Variants in SQOR observed in about 807,000 individuals in gnomAD.
The protein encoded by SQOR is sulfide:quinone oxidoreductase, mitochondrial.
In SQOR, 39 loss-of-function variants were observed where a neutral mutation model predicts 48.6. The ratio of observed to expected loss-of-function variants is 0.80; its 90% CI spans 0.62 to 1.05. The LOEUF is 1.05. Ranked by LOEUF, SQOR falls within the 50% of genes least tolerant of loss-of-function variation. SQOR has a pLI of 0.00. For missense variants in SQOR, 561 were observed against 559.9 expected (o/e 1.00, Z -0.02); for synonymous variants, 220 against 206.2 (o/e 1.07, Z -0.57).
At chr15:45,664,911 G>A (rs1455824533) in intron 3 of SQOR, among the ~76,000 whole-genome samples, 1 of 151,626 alleles carries the variant, frequency 6.6e-6, no homozygotes, top group Non-Finnish European at 1.5e-5. Context: ...AATGTCTCCG[G>A]GAGACCAGAC....
intron 1 of SQOR, among the ~76,000 whole-genome samples, chr15:45,656,323 C>T (rs1889610246): frequency 6.6e-6 from 1 of 152,130 alleles, no homozygotes; most frequent in Non-Finnish European, 1.5e-5. Flanking sequence ...TATTTTGAGA[C>T]AGGGTCTCCC....
intron 3 of SQOR, among the ~76,000 whole-genome samples, chr15:45,668,789 C>A (rs1231468409): frequency 6.6e-6 from 1 of 152,212 alleles, no homozygotes; most frequent in Admixed American, 6.5e-5. Context: ...AGTCTCACTG[C>A]AATCATTTCC....
Position 45,655,212 on chromosome 15 carries a change from G to A in SQOR, c.-17-3695G>A, listed in dbSNP as rs117401072. Among the ~76,000 whole-genome samples the A allele has an allele frequency of 3.5e-4, 53 of 152,342 alleles. No homozygotes were observed. In the East Asian group the frequency reaches 0.01, roughly 29 times the overall value. ...CCAAATAACCTCAGACAGGGTGGCTGGAAACCAGAAACTTAGCCAGGCCTC... is the reference window on the plus strand; with the variant it reads ...CCAAATAACCTCAGACAGGGTGGCTAGAAACCAGAAACTTAGCCAGGCCTC... On this transcript the variant is annotated intron_variant, in intron 1 of 9. Transcript: ENST00000260324.
At chr15:45,684,466 T>G (rs1321058714) in intron 7 of SQOR, among the ~76,000 whole-genome samples, 1 of 152,196 alleles carries the variant, frequency 6.6e-6, no homozygotes, top group Non-Finnish European at 1.5e-5. Flanking sequence ...AGATTCAGGT[T>G]ATATGTTTTG....
chr15:45,653,948 C>A (rs1430682406), intron 1 of SQOR, among the ~76,000 whole-genome samples: 1 of 151,924 alleles, frequency 6.6e-6, no homozygotes. Flanking sequence ...ATGGTGAAAC[C>A]CTGTGTCAAC....
At chr15:45,679,631 C>T (rs999234911) in intron 6 of SQOR, among the ~76,000 whole-genome samples, 3 of 152,152 alleles carry the variant, frequency 2.0e-5, no homozygotes, top group East Asian at 1.9e-4. Context: ...ACCTGGGAGG[C>T]GGAGGAACTA....
chr15:45,659,234 G>A (rs1339754960), intron 2 of SQOR, 77 bp downstream of exon 2: 1 of 1,253,406 alleles, frequency 8.0e-7, no homozygotes, highest in African/African-American at 1.5e-5. Context: ...GTGTGTTCTG[G>A]GGTTGGATAT....
At chr15:45,650,191 G>A (rs777447285) in intron 1 of SQOR, among the ~76,000 whole-genome samples, 1 of 152,170 alleles carries the variant, frequency 6.6e-6, no homozygotes, top group African/African-American at 2.4e-5. Flanking sequence ...CCAGGCTAGA[G>A]TGCAATGGCA....
intron 5 of SQOR, among the ~76,000 whole-genome samples, chr15:45,675,261 G>A (rs964146027): frequency 2.6e-5 from 4 of 152,144 alleles, no homozygotes; most frequent in Admixed American, 6.5e-5. Flanking sequence ...AGGAAGGTTC[G>A]AGTACCATAA....
rs770964581 is a variant in SQOR at position 45,689,050 on chromosome 15, C to T, written c.1128C>T (p.Tyr376=). Residue 376 remains tyrosine (Y), a synonymous_variant, in exon 9 of 10, where the codon TAC becomes TAT. Coordinates refer to ENST00000260324, the MANE Select transcript of SQOR (RefSeq NM_021199.4). ...NQTPTKKYDG[Y]TSCPLVTGYN... is the part of the protein sequence containing the mutation. ...ATTTACAATTTTAGTATGATGGCTA[C>T]ACATCATGTCCACTGGTGACCGGCT... is the stretch of plus-strand genomic sequence containing the variant. 1.9e-6 allele frequency: 3 copies of T among 1,613,736 alleles called. No homozygotes were observed. The highest frequency in any genetic ancestry group is 2.2e-5 in the South Asian group (2 of 91,030).
Position 45,682,562 on chromosome 15 carries a change from G to A in SQOR, c.949G>A (p.Asp317Asn). The A allele has an allele frequency of 6.2e-7, 1 of 1,614,212 alleles. No individual in the cohort carries two copies. The stretch of plus-strand genomic sequence containing the variant: ...TGTGGCTGATGCTGCTGGTTGGGTG[G>A]ATGTGGATAAAGAAACTCTGCAACA... ...SPVADAAGWVDVDKETLQHRR... is the reference protein window; with the variant it reads ...SPVADAAGWVNVDKETLQHRR... The change falls in exon 7 of 10, where the codon GAT becomes AAT. Residue 317 changes from aspartate (D) to asparagine (N), a missense_variant. Transcript: ENST00000260324.
intron 1 of SQOR, among the ~76,000 whole-genome samples, chr15:45,657,746 G>T (rs1006294095): frequency 1.3e-5 from 2 of 152,188 alleles, no homozygotes; most frequent in South Asian, 2.1e-4. Flanking sequence ...TTCTCCAGTC[G>T]GGAGGATGGA....
At chr15:45,656,845 C>T (rs1478811893) in intron 1 of SQOR, among the ~76,000 whole-genome samples, 1 of 148,086 alleles carries the variant, frequency 6.8e-6, no homozygotes, top group Non-Finnish European at 1.5e-5. Context: ...CACTCTGTCA[C>T]CCAGGTTGGA....
intron 3 of SQOR, 40 bp from the exon 4 acceptor site, chr15:45,669,888 C>T (rs760642243): frequency 6.3e-6 from 10 of 1,588,138 alleles, no homozygotes; most frequent in Non-Finnish European, 6.9e-6. Flanking sequence ...GTTGATGCTT[C>T]TTGAGTCCTG....
intron 7 of SQOR, among the ~76,000 whole-genome samples, chr15:45,685,649 C>T (rs985060720): frequency 2.6e-5 from 4 of 152,208 alleles, no homozygotes; most frequent in African/African-American, 9.6e-5. Flanking sequence ...CCTCACCTCT[C>T]TGTGGTGGCA....
Position 45,658,961 on chromosome 15 carries a change from C to G in SQOR, c.38C>G (p.Ala13Gly). 1 of 1,582,506 alleles carries G rather than the reference C, an allele frequency of 6.3e-7. No individual in the cohort carries two copies. The highest frequency in any genetic ancestry group is 1.7e-5 in the Admixed American group (1 of 57,568). ...PLVAVVSGPRAQLFACLLRLG... is the reference protein window; with the variant it reads ...PLVAVVSGPRGQLFACLLRLG... ...GTGGCTGTGGTATCAGGGCCCCGTG[C>G]CCAGCTCTTTGCCTGCCTGCTCAGG... The change falls in exon 2 of 10, where the codon GCC becomes GGC. Residue 13 changes from alanine to glycine, a missense_variant. Physicochemically the swap from Ala to Gly is moderately conservative, Grantham distance 60. Transcript: ENST00000260324.
chr15:45,688,950 G>T, intron 8 of SQOR, 89 bp from the exon 9 acceptor site: 1 of 1,021,958 alleles, frequency 9.8e-7, no homozygotes. Flanking sequence ...AAATATATAA[G>T]CACTCACAGC....
chr15:45,656,976 T>G (rs1376337978), intron 1 of SQOR, among the ~76,000 whole-genome samples: 1 of 151,846 alleles, frequency 6.6e-6, no homozygotes, highest in Non-Finnish European at 1.5e-5. Flanking sequence ...GGCTAAAAAT[T>G]TTTGTATTTT....
chr15:45,677,408 A>G (rs1890056724), intron 6 of SQOR, among the ~76,000 whole-genome samples: 1 of 152,156 alleles, frequency 6.6e-6, no homozygotes, highest in African/African-American at 2.4e-5. Flanking sequence ...CACAGATACA[A>G]TTTTTTAACT....
Sources: allele counts gnomAD v4.1 joint callset (sites outside exome capture counted in the v4.1 genomes callset), GRCh38; gene constraint gnomAD v4.1.1; transcripts MANE v1.5; gene names NCBI Gene and HGNC (gene_info 2026-07-23, HGNC 2026-07-21).